GNB1L: variants seen among roughly 807,000 people sequenced by gnomAD.
GNB1L encodes the protein G protein subunit beta 1 like, also known as guanine nucleotide-binding protein subunit beta-like protein 1.
Under a neutral mutation model 29.1 loss-of-function variants are expected in GNB1L, and 20 were observed. That is an observed-to-expected ratio of 0.69 (90% CI 0.48 to 1.00). The LOEUF (loss-of-function observed/expected upper bound fraction) is 1.00. Ranked by LOEUF, GNB1L falls within the 50% of genes least tolerant of loss-of-function variation. The pLI is 0.00. For missense variants in GNB1L, 421 were observed against 464.9 expected (o/e 0.91, Z 0.87); for synonymous variants, 193 against 206.5 (o/e 0.93, Z 0.56).
In GNB1L at chr22:19,812,364, A is replaced by G. The variant is rs1432516268; in HGVS notation, c.338T>C (p.Val113Ala). The change falls in exon 5 of 8, where the codon GTG becomes GCG. Residue 113 changes from valine (V) to alanine (A), a missense_variant. Val to Ala is a moderately conservative substitution (Grantham distance 64). Transcript: ENST00000329517. ...CAGGATGCTGCTCCGGCAGAAGCCC[A>G]CACTCTCCAAGCACACGGAGTCCAC... Reference protein sequence around the residue: ...AVVDSVCLESVGFCRSSILAG... With the variant: ...AVVDSVCLESAGFCRSSILAG... 2.5e-6 allele frequency: 4 copies of G among 1,613,204 alleles called. No homozygotes were observed. In the Admixed American group the frequency reaches 6.7e-5, roughly 27 times the overall value.
chr22:19,822,790 G>A (rs1487815689), intron 2 of GNB1L, among the ~76,000 whole-genome samples: 1 of 152,234 alleles, frequency 6.6e-6, no homozygotes, highest in Non-Finnish European at 1.5e-5. Context: ...GGGGGTGCAG[G>A]TTCAGAGGCA....
At chr22:19,805,127 G>A (rs1325999909) in intron 6 of GNB1L, among the ~76,000 whole-genome samples, 4 of 148,450 alleles carry the variant, frequency 2.7e-5, no homozygotes, top group African/African-American at 9.8e-5. Flanking sequence ...TGAGCCTCCC[G>A]GAAGCCACCC....
rs1258342523 is a variant in GNB1L, at chr22:19,783,338, C to G, written c.*5371G>C. 5 of 381,352 alleles carry G rather than the reference C, an allele frequency of 1.3e-5. No homozygotes were observed. The highest frequency in any genetic ancestry group is 2.5e-5 in the Non-Finnish European group (5 of 197,590). 23.6% of individuals were successfully genotyped at this position (381,352 alleles called of 1,614,324 possible). A position where few individuals can be genotyped will look rare whatever the true frequency, so the allele number is the denominator to read the frequency against. ...GGTTTCAGAGCCCAAGTCAGGAGGT[C>G]AAGTGTGCATGCAAGAGGTGGCAGG... is the stretch of plus-strand genomic sequence containing the variant. On this transcript the variant is annotated 3_prime_UTR_variant, in exon 8 of 8. Coordinates refer to ENST00000329517, the MANE Select transcript of GNB1L (RefSeq NM_053004.3).
chr22:19,803,428 T>C (rs368474665), intron 6 of GNB1L, among the ~76,000 whole-genome samples: 2 of 152,180 alleles, frequency 1.3e-5, no homozygotes, highest in Admixed American at 6.5e-5. Flanking sequence ...AGAGTCCACA[T>C]TGTCCCTGGG....
At chr22:19,802,975 A>G (rs191564859) in intron 6 of GNB1L, among the ~76,000 whole-genome samples, 23 of 152,348 alleles carry the variant, frequency 1.5e-4, no homozygotes, top group African/African-American at 5.5e-4. Flanking sequence ...ATGACAGCCC[A>G]GAGAAACCTG....
chr22:19,852,280 AAG>A (rs760301520), intron 2 of GNB1L: 15 of 1,584,348 alleles, frequency 9.5e-6, no homozygotes. Context: ...CACAGGGGAG[AAG>A]AGAGGAGAGC....
At chr22:19,840,837 G>GA (rs1331346947) in intron 2 of GNB1L, among the ~76,000 whole-genome samples, 1 of 151,676 alleles carries the variant, frequency 6.6e-6, no homozygotes, top group African/African-American at 2.4e-5. Context: ...GAAAGAAAAA[G>GA]AAAATCCATC....
At chr22:19,820,529 A>C in intron 4 of GNB1L, 69 bp downstream of exon 4, 3 of 1,518,962 alleles carry the variant, frequency 2.0e-6, no homozygotes, top group Non-Finnish European at 2.7e-6. Context: ...GGGGGACACC[A>C]GAGCCTCCAT....
intron 7 of GNB1L, chr22:19,793,228 T>A: frequency 1.7e-6 from 1 of 596,480 alleles, no homozygotes; most frequent in Admixed American, 3.0e-5. Flanking sequence ...TAGGAACTCT[T>A]AGCAGAGAAA....
chr22:19,796,383 C>T (rs73148920), intron 7 of GNB1L, among the ~76,000 whole-genome samples: 17,431 of 152,262 alleles, frequency 0.11, 1,581 homozygotes, highest in East Asian at 0.45. Context: ...CTGGCGCCCA[C>T]GTGTGCAGCG....
At position 19,783,667 on chromosome 22, in the gene GNB1L, G is replaced by A. The variant is rs5746832; in HGVS notation, c.*5042C>T. 69,856 of 159,142 alleles carry A rather than the reference G, an allele frequency of 0.44. 15,651 individuals are homozygous for A. Among genetic ancestry groups the A allele is most frequent in the Middle Eastern group, 0.54 (167 of 308 alleles). 9.9% of individuals were successfully genotyped at this position (159,142 alleles called of 1,614,324 possible). A position where few individuals can be genotyped will look rare whatever the true frequency, so the allele number is the denominator to read the frequency against. ...CCTGTGGCCGTTGTCCCCATCGTCC[G>A]TGGCTTCATCCCTCAACTGATGCTT... On this transcript the variant is annotated 3_prime_UTR_variant, in exon 8 of 8. Transcript: ENST00000329517.
At chr22:19,849,974 T>C in intron 2 of GNB1L, 11 of 985,490 alleles carry the variant, frequency 1.1e-5, no homozygotes, top group Non-Finnish European at 1.3e-5. Flanking sequence ...ATTCCATTCC[T>C]CTGGGCCTGG....
intron 2 of GNB1L, among the ~76,000 whole-genome samples, chr22:19,832,564 C>G (rs747311194): frequency 5.7e-4 from 86 of 152,108 alleles, no homozygotes; most frequent in Non-Finnish European, 9.4e-4. Context: ...GATAGAGATA[C>G]AGAGAAAAAG....
intron 7 of GNB1L, among the ~76,000 whole-genome samples, chr22:19,798,153 G>A (rs1388457707): frequency 6.6e-6 from 1 of 152,052 alleles, no homozygotes; most frequent in Non-Finnish European, 1.5e-5. Context: ...GGCTGTCAAG[G>A]CCAGCACCTG....
At chr22:19,837,999 CAGGAAG>C (rs751461265) in intron 2 of GNB1L, among the ~76,000 whole-genome samples, 1 of 152,198 alleles carries the variant, frequency 6.6e-6, no homozygotes, top group Non-Finnish European at 1.5e-5. Context: ...TGCAGAGACG[CAGGAAG>C]ATACTTTAGG....
At chr22:19,824,085 G>C (rs937238067) in intron 2 of GNB1L, among the ~76,000 whole-genome samples, 4 of 152,206 alleles carry the variant, frequency 2.6e-5, no homozygotes, top group African/African-American at 4.8e-5. Flanking sequence ...GAACTGCAGG[G>C]AACAAACCCG....
chr22:19,851,944 G>C (rs200169059), intron 2 of GNB1L: 4 of 1,614,004 alleles, frequency 2.5e-6, no homozygotes, highest in Admixed American at 3.3e-5. Context: ...AGCCATCAAA[G>C]GTGCCTGGGT....
chr22:19,806,920 C>A (rs1314048677), intron 5 of GNB1L, among the ~76,000 whole-genome samples, 163 bp from the exon 6 acceptor site: 1 of 152,236 alleles, frequency 6.6e-6, no homozygotes, highest in Non-Finnish European at 1.5e-5. Flanking sequence ...GCTGCATGGG[C>A]CCTTGCAAAA....
intron 2 of GNB1L, among the ~76,000 whole-genome samples, chr22:19,828,644 T>TAA (rs565527748): frequency 3.9e-4 from 57 of 146,612 alleles, no homozygotes; most frequent in African/African-American, 1.3e-3. Context: ...AGACCCTATC[T>TAA]AAAAAAAAAA....
Sources: allele counts gnomAD v4.1 joint callset (sites outside exome capture counted in the v4.1 genomes callset), GRCh38; gene constraint gnomAD v4.1.1; transcripts MANE v1.5; gene names NCBI Gene and HGNC (gene_info 2026-07-23, HGNC 2026-07-21).